The following ELAC2 variants were observed in gnomAD, a reference collection of about 807,000 sequenced individuals.
ELAC2 encodes elaC ribonuclease Z 2, also known as zinc phosphodiesterase ELAC protein 2.
ELAC2 carries 92 observed loss-of-function variants against 105.2 expected under a neutral mutation model. The ratio of observed to expected loss-of-function variants is 0.87; its 90% confidence interval spans 0.74 to 1.04. The LOEUF (loss-of-function observed/expected upper bound fraction) is 1.04, where lower values mean the gene tolerates loss of function less well. Ranked by LOEUF, ELAC2 falls within the 50% of genes least tolerant of loss-of-function variation. ELAC2 has a pLI of 0.00. For missense variants in ELAC2, 1,099 were observed against 1,071.7 expected, an observed-to-expected ratio of 1.03 and a Z score of -0.36; for synonymous variants, 468 against 409.1, an observed-to-expected ratio of 1.14 and a Z score of -1.74.
chr17:12,993,680 T>TACAG lies in ELAC2; in HGVS notation c.2253+3_2253+6dup. The TACAG allele has an allele frequency of 6.2e-7, 1 of 1,614,134 alleles. No homozygotes were observed. On this transcript the variant is annotated splice_region_variant and intron_variant, in intron 23 of 23. Coordinates refer to ENST00000338034, the MANE Select transcript of ELAC2 (RefSeq NM_018127.7). ...CCCGCCCTGTGCTGTCCGTGTGACA[T>TACAG]ACAGACCTTCATGTGGTCAAAGGCA...
rs562690137 is a variant in ELAC2 at position 12,997,760 on chromosome 17, C to T, written c.1520+652G>A. Among the ~76,000 whole-genome samples the T allele has an allele frequency of 2.6e-5, 4 of 152,274 alleles. No homozygotes were observed. The East Asian group carries it at 7.7e-4, about 29-fold the overall frequency. On this transcript the variant is annotated intron_variant, in intron 16 of 23. Transcript: ENST00000338034. ...TGGCAGAGCAAAATTTAAAACAAAC[C>T]TGGTAATTCACAATCTTATTTTCTT...
intron 8 of ELAC2, among the ~76,000 whole-genome samples, chr17:13,007,721 C>T (rs8073563): frequency 0.28 from 41,805 of 150,938 alleles, 5,909 homozygotes; most frequent in Middle Eastern, 0.33. Context: ...CTACTAAAAA[C>T]ACAAAAATTA....
At position 13,003,598 on chromosome 17, in the gene ELAC2, CA is replaced by C. The variant is rs1567756793; in HGVS notation, c.984-25del. The C allele has an allele frequency of 3.1e-6, 5 of 1,604,608 alleles. No individual in the cohort carries two copies. In the South Asian group the frequency reaches 5.5e-5, roughly 18 times the overall value. On this transcript the variant is annotated intron_variant, in intron 11 of 23. Transcript: ENST00000338034. ...ACCTGGGCAGAAGAGTGGGGCTTTA[CA>C]AAGTGATGCAGACTCAGGACACACC...
intron 17 of ELAC2, 118 bp downstream of exon 17, chr17:12,996,429 T>C: frequency 6.7e-7 from 1 of 1,483,216 alleles, no homozygotes; most frequent in South Asian, 1.1e-5. Flanking sequence ...TAGCCAGAGA[T>C]GAGTAACAAA....
chr17:13,004,709 AG>A (rs1433738762), intron 11 of ELAC2, among the ~76,000 whole-genome samples: 1 of 152,262 alleles, frequency 6.6e-6, no homozygotes, highest in East Asian at 1.9e-4. Flanking sequence ...AATTCAAAAA[AG>A]TTCTAGAATT....
Position 12,992,864 on chromosome 17 carries a change from C to G in ELAC2, c.2435G>C (p.Arg812Pro). 2 of 1,613,556 alleles carry G rather than the reference C, an allele frequency of 1.2e-6. No homozygotes were observed. Among genetic ancestry groups the G allele is most frequent in the South Asian group, 2.2e-5 (2 of 91,086 alleles). Residue 812 changes from arginine to proline, a missense_variant, in exon 24 of 24, where the codon CGG becomes CCG. By Grantham distance (103) the Arg-to-Pro change is moderately radical. Coordinates refer to ENST00000338034, the MANE Select transcript of ELAC2 (RefSeq NM_018127.7). ...GLEDGEPQQK[R>P]AHTEEPQAKK... ...GGCCTGTGGCTCCTCTGTGTGGGCCCGCTTCTGCTGAGGCTCCCCATCCTC... is the reference window on the plus strand; with the variant it reads ...GGCCTGTGGCTCCTCTGTGTGGGCCGGCTTCTGCTGAGGCTCCCCATCCTC...
chr17:12,999,696 T>C (rs1369230647), intron 15 of ELAC2, among the ~76,000 whole-genome samples: 4 of 151,950 alleles, frequency 2.6e-5, no homozygotes, highest in Admixed American at 6.6e-5. Context: ...TCTCACTCTG[T>C]CGTCCAGGCT....
Position 12,995,768 on chromosome 17 carries a change from G to A in ELAC2, c.1743C>T (p.Pro581=), listed in dbSNP as rs1838655732. Reference sequence around the variant, plus strand: ...GCTGGAGCCAGGCTTTGAGCTGGTTGGGGGCAACCACCAGCAAAGGGTGAA... The same window carrying A: ...GCTGGAGCCAGGCTTTGAGCTGGTTAGGGGCAACCACCAGCAAAGGGTGAA... ...KPLHPLLVVA[P]NQLKAWLQQY... Residue 581 remains proline (P), a synonymous_variant, in exon 19 of 24, where the codon CCC becomes CCT. Transcript: ENST00000338034. The A allele has an allele frequency of 1.2e-6, 2 of 1,612,854 alleles. No homozygotes were observed. The highest frequency in any genetic ancestry group is 2.7e-5 in the African/African-American group (2 of 74,906).
chr17:12,996,839 T>A (rs1275922549), intron 16 of ELAC2, among the ~76,000 whole-genome samples, 154 bp from the exon 17 acceptor site: 3 of 152,084 alleles, frequency 2.0e-5, no homozygotes, highest in Non-Finnish European at 2.9e-5. Flanking sequence ...GCCAATTAAT[T>A]TAACCATAAA....
chr17:13,006,088 T>A, intron 8 of ELAC2, 109 bp from the exon 9 acceptor site: 1 of 1,206,454 alleles, frequency 8.3e-7, no homozygotes. Flanking sequence ...ATAATAATGT[T>A]GGCCAGGCAC....
intron 8 of ELAC2, among the ~76,000 whole-genome samples, chr17:13,006,897 A>G (rs2041140175): frequency 6.6e-6 from 1 of 152,020 alleles, no homozygotes; most frequent in African/African-American, 2.4e-5. Context: ...CGAGGCGGGT[A>G]GATCATGAGG....
In ELAC2 at chr17:13,017,787, C is replaced by G; in HGVS notation, c.161G>C (p.Gly54Ala). ...EKRGPSGCSG[G>A]PNTVYLQVVA... The stretch of plus-strand genomic sequence containing the variant: ...CACCTGCAGGTACACGGTGTTTGGG[C>G]CGCCGGAGCACCCCGACGGTCCGCG... Residue 54 changes from glycine (G) to alanine (A), a missense_variant, in exon 1 of 24, where the codon GGC becomes GCC. Gly to Ala is a moderately conservative substitution (Grantham distance 60). Transcript: ENST00000338034. The G allele has an allele frequency of 1.2e-6, 2 of 1,609,020 alleles. No individual in the cohort carries two copies. The highest frequency in any genetic ancestry group is 1.7e-6 in the Non-Finnish European group (2 of 1,178,350).
chr17:13,000,054 C>T (rs922335680), intron 15 of ELAC2, 102 bp downstream of exon 15: 1 of 1,051,576 alleles, frequency 9.5e-7, no homozygotes. Flanking sequence ...GACTGAAAAG[C>T]CAGGTTAGAA....
chr17:13,013,094 C>G, intron 6 of ELAC2, 113 bp downstream of exon 6: 2 of 1,225,824 alleles, frequency 1.6e-6, no homozygotes, highest in South Asian at 2.5e-5. Context: ...TCTAATCATG[C>G]TCAGAACACA....
At chr17:13,004,789 C>A (rs1302734419) in intron 11 of ELAC2, among the ~76,000 whole-genome samples, 200 bp downstream of exon 11, 1 of 152,188 alleles carries the variant, frequency 6.6e-6, no homozygotes, top group African/African-American at 2.4e-5. Context: ...AGTTTTCAAT[C>A]TTTTCTAATT....
chr17:12,998,490 G>A lies in ELAC2; in HGVS notation c.1442C>T (p.Pro481Leu), dbSNP rs1169140302. The change falls in exon 16 of 24, where the codon CCA (proline) becomes CTA (leucine). Residue 481 changes from proline (P) to leucine (L), a missense_variant. Pro to Leu is a moderately conservative substitution (Grantham distance 98). Coordinates refer to ENST00000338034, the MANE Select transcript of ELAC2 (RefSeq NM_018127.7). The part of the protein sequence containing the change: ...PAPAEKRSQY[P>L]EIIFLGTGSA... ...CCCTGTTCCAAGGAAGATGATTTCT[G>A]GGTACTGACTTCTTTTCTCTGTGAA... 1.9e-6 allele frequency: 3 copies of A among 1,614,134 alleles called. No individual in the cohort carries two copies. Among genetic ancestry groups the A allele is most frequent in the Admixed American group, 1.7e-5 (1 of 60,016 alleles).
chr17:13,003,851 A>C, intron 11 of ELAC2: 1 of 458,380 alleles, frequency 2.2e-6, no homozygotes, highest in Non-Finnish European at 4.0e-6. Flanking sequence ...CTTCCTTCCT[A>C]CCCTCTCCAC....
intron 14 of ELAC2, chr17:13,000,490 A>G: frequency 1.7e-6 from 1 of 601,510 alleles, no homozygotes; most frequent in Non-Finnish European, 3.0e-6. Flanking sequence ...ACGGGGAACT[A>G]CTGATGCTCA....
At chr17:13,016,715 G>T in intron 3 of ELAC2, 147 bp downstream of exon 3, 1 of 769,670 alleles carries the variant, frequency 1.3e-6, no homozygotes, top group Non-Finnish European at 2.1e-6. Context: ...AGAAGGCAAA[G>T]GTTGCAGTGA....
Sources: allele counts gnomAD v4.1 joint callset (sites outside exome capture counted in the v4.1 genomes callset), GRCh38; gene constraint gnomAD v4.1.1; transcripts MANE v1.5; gene names NCBI Gene and HGNC (gene_info 2026-07-23, HGNC 2026-07-21).